Variants in CCDC116 observed in about 807,000 individuals in gnomAD.
The protein encoded by CCDC116 is coiled-coil domain-containing protein 116.
Under a neutral mutation model 29.4 loss-of-function variants are expected in CCDC116, and 24 were observed. The observed-to-expected ratio is 0.82, with a 90% CI of 0.59 to 1.15. CCDC116 has a LOEUF of 1.15. Ranked by LOEUF, CCDC116 falls within the 50% of genes most tolerant of loss-of-function variation. The pLI is 0.00. For missense variants in CCDC116, 791 were observed against 804.0 expected (o/e 0.98, Z 0.20); for synonymous variants, 298 against 331.4 (o/e 0.90, Z 1.10).
rs763363872 is a variant in CCDC116, at chr22:21,635,217, G to C, written c.1154G>C (p.Gly385Ala). The C allele has an allele frequency of 1.9e-6, 3 of 1,599,860 alleles. No individual in the cohort carries two copies. The highest frequency in any genetic ancestry group is 1.7e-4 in the Middle Eastern group (1 of 6,060). ...MLQRKRKDRGGSPSMSSAQVA... is the reference protein window; with the variant it reads ...MLQRKRKDRGASPSMSSAQVA... ...CAGAGAAAACGCAAGGACAGAGGAG[G>C]CTCCCCCTCCATGTCTAGTGCCCAG... The change falls in exon 4 of 5, where the codon GGC becomes GCC. Residue 385 changes from glycine to alanine, a missense_variant. Coordinates refer to ENST00000292779, the MANE Select transcript of CCDC116 (RefSeq NM_152612.3).
Position 21,637,276 on chromosome 22 carries a change from A to G in CCDC116, c.*206A>G. ...GCTGAGACTCTCAAGGGAGCCAGTGAAAGAAATAGAAATAAAGCCTGTGTT... is the reference window on the plus strand; with the variant it reads ...GCTGAGACTCTCAAGGGAGCCAGTGGAAGAAATAGAAATAAAGCCTGTGTT... On this transcript the variant is annotated 3_prime_UTR_variant, in exon 5 of 5. Coordinates refer to ENST00000292779, the MANE Select transcript of CCDC116 (RefSeq NM_152612.3). The G allele has an allele frequency of 1.7e-6, 1 of 573,784 alleles. No individual in the cohort carries two copies. The highest frequency in any genetic ancestry group is 2.8e-6 in the Non-Finnish European group (1 of 361,268). The allele number at this position is 573,784 out of a possible 1,614,324, so 35.5% of individuals were successfully genotyped here.
chr22:21,636,170 C>T (rs1231768944), intron 4 of CCDC116, among the ~76,000 whole-genome samples: 1 of 152,210 alleles, frequency 6.6e-6, no homozygotes, highest in African/African-American at 2.4e-5. Flanking sequence ...CCTGCCCTTG[C>T]CCCAGGCCCA....
Position 21,637,147 on chromosome 22 carries a change from C to T in CCDC116, c.*77C>T, listed in dbSNP as rs897841974. ...GGCCACGGTGACCCACCATGAAGTC[C>T]CCACTAGCCACTCGATTCCCTGCTC... is the stretch of plus-strand genomic sequence containing the variant. On this transcript the variant is annotated 3_prime_UTR_variant, in exon 5 of 5. Transcript: ENST00000292779. 3.4e-6 allele frequency: 5 copies of T among 1,470,458 alleles called. No individual in the cohort carries two copies. The highest frequency in any genetic ancestry group is 1.4e-5 in the South Asian group (1 of 70,796). The allele number at this position is 1,470,458 out of a possible 1,614,324, so 91.1% of individuals were successfully genotyped here.
intron 4 of CCDC116, chr22:21,635,838 C>T: frequency 1.8e-6 from 1 of 559,236 alleles, no homozygotes; most frequent in Non-Finnish European, 3.2e-6. Context: ...TCTAGAGACG[C>T]TCCTACATGG....
Position 21,636,840 on chromosome 22 carries a change from C to A in CCDC116, c.1612C>A (p.Gln538Lys). Residue 538 changes from glutamine (Q) to lysine (K), a missense_variant, in exon 5 of 5, where the codon CAG becomes AAG. Coordinates refer to ENST00000292779, the MANE Select transcript of CCDC116 (RefSeq NM_152612.3). ...ACCAGCCACCCACACTGCCCAGGAC[C>A]AGGCCACAGAGCCCTGCCGCTCCCT... ...QEPATHTAQD[Q>K]ATEPCRSLYT... The A allele has an allele frequency of 6.2e-7, 1 of 1,613,418 alleles. No individual in the cohort carries two copies. The highest frequency in any genetic ancestry group is 8.5e-7 in the Non-Finnish European group (1 of 1,179,988).
chr22:21,634,871 C>A lies in CCDC116; in HGVS notation c.808C>A (p.Arg270=). ...AGAACAGGAGCCAATCTTCCGCAAG[C>A]GAGAGTTCAATAAGGAGATCAAGTC... is the stretch of plus-strand genomic sequence containing the variant. ...PGEQEPIFRK[R]EFNKEIKSLL... Residue 270 remains arginine, a synonymous_variant, in exon 4 of 5, where the codon CGA becomes AGA. Transcript: ENST00000292779. The A allele has an allele frequency of 6.2e-7, 1 of 1,613,952 alleles. No homozygotes were observed. The highest frequency in any genetic ancestry group is 8.5e-7 in the Non-Finnish European group (1 of 1,180,022).
At position 21,634,495 on chromosome 22, in the gene CCDC116, C is replaced by G. The variant is rs564862410; in HGVS notation, c.546C>G (p.Gly182=). 3 of 1,614,038 alleles carry G rather than the reference C, an allele frequency of 1.9e-6. No individual in the cohort carries two copies. In the East Asian group the frequency reaches 6.7e-5, roughly 36 times the overall value. ...GGGACAGTGACCTAGGTGCCCAAGG[C>G]TCATTGCCACCTGTGAGGGACAAAC... is the stretch of plus-strand genomic sequence containing the variant. ...HSRDSDLGAQ[G]SLPPVRDKLL... Residue 182 remains glycine (G), a synonymous_variant, in exon 3 of 5, where the codon GGC becomes GGG. Coordinates refer to ENST00000292779, the MANE Select transcript of CCDC116 (RefSeq NM_152612.3).
In CCDC116 at chr22:21,635,168, A is replaced by G. The variant is rs1930742418; in HGVS notation, c.1105A>G (p.Thr369Ala). 1.2e-6 allele frequency: 2 copies of G among 1,600,992 alleles called. No homozygotes were observed. Among genetic ancestry groups the G allele is most frequent in the South Asian group, 1.1e-5 (1 of 91,056 alleles). The part of the protein sequence containing the change: ...GGQPYASPRP[T>A]VSSPKMLQRK... The stretch of plus-strand genomic sequence containing the variant: ...GCAGCCCTATGCTTCCCCCCGCCCC[A>G]CAGTCTCCAGCCCCAAGATGCTTCA... Residue 369 changes from threonine to alanine, a missense_variant, in exon 4 of 5, where the codon ACA becomes GCA. Thr to Ala is a moderately conservative substitution (Grantham distance 58, BLOSUM62 0). Transcript: ENST00000292779.
Position 21,633,225 on chromosome 22 carries a change from A to C in CCDC116, c.44A>C (p.Glu15Ala). ...RHHSGYLADD[E>A]ASHSMCSARV... The stretch of plus-strand genomic sequence containing the variant: ...CACTCGGGTTACCTGGCCGATGACG[A>C]GGCCAGCCACTCCATGTGCAGTGCA... The change falls in exon 2 of 5, where the codon GAG becomes GCG. Residue 15 changes from glutamate (E) to alanine (A), a missense_variant. By Grantham distance (107) the Glu-to-Ala change is moderately radical (BLOSUM62 -1). Transcript: ENST00000292779. 1 of 1,550,604 alleles carries C rather than the reference A, an allele frequency of 6.4e-7. No individual in the cohort carries two copies. Among genetic ancestry groups the C allele is most frequent in the African/African-American group, 1.4e-5 (1 of 73,136 alleles).
rs751931446 is a variant in CCDC116, at chr22:21,634,799, C to G, written c.736C>G (p.Leu246Val). 2 of 1,614,016 alleles carry G rather than the reference C, an allele frequency of 1.2e-6. No individual in the cohort carries two copies. Among genetic ancestry groups the G allele is most frequent in the Non-Finnish European group, 1.7e-6 (2 of 1,180,026 alleles). ...GCCCTTGTCCTGGTTCTCAGGGCTG[C>G]TGGGCTCAAGCTCTGGCGTGCCTGA... ...EQPLSWFSGL[L>V]GSSSGVPEAS... Residue 246 changes from leucine to valine, a missense_variant, in exon 4 of 5, where the codon CTG becomes GTG. Coordinates refer to ENST00000292779, the MANE Select transcript of CCDC116 (RefSeq NM_152612.3).
intron 4 of CCDC116, 125 bp downstream of exon 4, chr22:21,635,391 C>A: frequency 1.1e-6 from 1 of 881,858 alleles, no homozygotes; most frequent in Non-Finnish European, 1.8e-6. Context: ...AGGGCCCAGC[C>A]CTGGCAGGGC....
Position 21,634,977 on chromosome 22 carries a change from C to T in CCDC116, c.914C>T (p.Ala305Val). 1 of 1,611,986 alleles carries T rather than the reference C, an allele frequency of 6.2e-7. No homozygotes were observed. Among genetic ancestry groups the T allele is most frequent in the Non-Finnish European group, 8.5e-7 (1 of 1,180,008 alleles). ...CCCCATCGCACGCTGAACTTCCTGG[C>T]TGACCACCGCCTCTTCCCTGCCCTG... is the stretch of plus-strand genomic sequence containing the variant. Reference protein sequence around the residue: ...REPHRTLNFLADHRLFPALQS... With the variant: ...REPHRTLNFLVDHRLFPALQS... Residue 305 changes from alanine to valine, a missense_variant, in exon 4 of 5, where the codon GCT (alanine) becomes GTT (valine). Ala to Val is a moderately conservative substitution (Grantham distance 64, BLOSUM62 0). Transcript: ENST00000292779.
chr22:21,636,333 A>G, intron 4 of CCDC116, 99 bp from the exon 5 acceptor site: 2 of 1,098,590 alleles, frequency 1.8e-6, no homozygotes, highest in South Asian at 3.0e-5. Context: ...CAGGGCTGGC[A>G]GGGCTCTGAG....
chr22:21,634,017 C>T lies in CCDC116; in HGVS notation c.73-5C>T. On this transcript the variant is annotated splice_region_variant and splice_polypyrimidine_tract_variant and intron_variant, in intron 2 of 4. Transcript: ENST00000292779. ...CTGCCCCCTGTGACATACCTGTCTG[C>T]TCAGGTGCAGCTGCCCAAGAAGCCA... 3.1e-6 allele frequency: 5 copies of T among 1,597,692 alleles called. No individual in the cohort carries two copies. The highest frequency in any genetic ancestry group is 4.3e-6 in the Non-Finnish European group (5 of 1,171,740).
rs560840505 is a variant in CCDC116, at chr22:21,635,202, G to T, written c.1139G>T (p.Arg380Leu). The change falls in exon 4 of 5, where the codon CGC becomes CTC. Residue 380 changes from arginine (R) to leucine (L), a missense_variant. Arg to Leu is a moderately radical substitution (Grantham distance 102, BLOSUM62 -2). Transcript: ENST00000292779. ...VSSPKMLQRK[R>L]KDRGGSPSMS... Reference sequence around the variant, plus strand: ...AGCCCCAAGATGCTTCAGAGAAAACGCAAGGACAGAGGAGGCTCCCCCTCC... The same window carrying T: ...AGCCCCAAGATGCTTCAGAGAAAACTCAAGGACAGAGGAGGCTCCCCCTCC... 3.1e-6 allele frequency: 5 copies of T among 1,600,174 alleles called. No individual in the cohort carries two copies. Among genetic ancestry groups the T allele is most frequent in the Non-Finnish European group, 3.4e-6 (4 of 1,179,926 alleles).
Position 21,637,235 on chromosome 22 carries a change from GC to G in CCDC116, c.*168del. 9.8e-7 allele frequency: 1 copy of G among 1,016,868 alleles called. No individual in the cohort carries two copies. The highest frequency in any genetic ancestry group is 1.4e-6 in the Non-Finnish European group (1 of 729,032). 63.0% of individuals were successfully genotyped at this position (1,016,868 alleles called of 1,614,324 possible). A position where few individuals can be genotyped will look rare whatever the true frequency, so the allele number is the denominator to read the frequency against. ...GAGCAGGAGTCACCACAGGCTGAATGCCCACGAGGAGCTCTGCTGAGACTCT... is the reference window on the plus strand; with the variant it reads ...GAGCAGGAGTCACCACAGGCTGAATGCCACGAGGAGCTCTGCTGAGACTCT... On this transcript the variant is annotated 3_prime_UTR_variant, in exon 5 of 5. Coordinates refer to ENST00000292779, the MANE Select transcript of CCDC116 (RefSeq NM_152612.3).
In CCDC116 at chr22:21,636,438, TGCA is replaced by T. The variant is rs779941333; in HGVS notation, c.1221_1223del (p.Ser407del). On this transcript the variant is annotated inframe_deletion, in exon 5 of 5. Transcript: ENST00000292779. ...CTCCCCGGCTGCTATGCAGAGCCCC[TGCA>T]GCAGCAGCAGGTTCACGAAGAAGAA... 1.2e-6 allele frequency: 2 copies of T among 1,612,082 alleles called. No homozygotes were observed. The highest frequency in any genetic ancestry group is 1.1e-5 in the South Asian group (1 of 90,998).
rs2148465573 is a variant in CCDC116 at position 21,634,823 on chromosome 22, G to A, written c.760G>A (p.Glu254Lys). 6.2e-7 allele frequency: 1 copy of A among 1,614,010 alleles called. No individual in the cohort carries two copies. Among genetic ancestry groups the A allele is most frequent in the East Asian group, 2.2e-5 (1 of 44,874 alleles). Residue 254 changes from glutamate to lysine, a missense_variant, in exon 4 of 5, where the codon GAA becomes AAA. By Grantham distance (56) the Glu-to-Lys change is moderately conservative. Coordinates refer to ENST00000292779, the MANE Select transcript of CCDC116 (RefSeq NM_152612.3). ...GCTGGGCTCAAGCTCTGGCGTGCCT[G>A]AAGCATCAGAGCCGAGGCCTGGAGA... is the stretch of plus-strand genomic sequence containing the variant. ...GLLGSSSGVP[E>K]ASEPRPGEQE...
rs1272998871 is a variant in CCDC116, at chr22:21,634,848, A to G, written c.785A>G (p.Glu262Gly). 2 of 1,613,936 alleles carry G rather than the reference A, an allele frequency of 1.2e-6. No homozygotes were observed. The highest frequency in any genetic ancestry group is 3.3e-5 in the Admixed American group (2 of 60,012). Residue 262 changes from glutamate to glycine, a missense_variant, in exon 4 of 5, where the codon GAA becomes GGA. Physicochemically the swap from Glu to Gly is moderately conservative, Grantham distance 98 (BLOSUM62 -2). Transcript: ENST00000292779. ...GAAGCATCAGAGCCGAGGCCTGGAG[A>G]ACAGGAGCCAATCTTCCGCAAGCGA... is the stretch of plus-strand genomic sequence containing the variant. Reference protein sequence around the residue: ...VPEASEPRPGEQEPIFRKREF... With the variant: ...VPEASEPRPGGQEPIFRKREF...
Sources: allele counts gnomAD v4.1 joint callset (sites outside exome capture counted in the v4.1 genomes callset), GRCh38; gene constraint gnomAD v4.1.1; transcripts MANE v1.5; gene names NCBI Gene and HGNC (gene_info 2026-07-23, HGNC 2026-07-21).